Variants in C12orf56 observed in about 807,000 individuals in gnomAD.
C12orf56 encodes the protein uncharacterized protein C12orf56.
Under a neutral mutation model 69.9 loss-of-function variants are expected in C12orf56, and 71 were observed. The observed-to-expected ratio is 1.02, with a 90% CI of 0.84 to 1.24. The LOEUF (loss-of-function observed/expected upper bound fraction) is 1.24. Ranked by LOEUF, C12orf56 falls within the 50% of genes most tolerant of loss-of-function variation. The pLI, the probability that C12orf56 is intolerant of heterozygous loss-of-function variation, is 0.00. For synonymous variants in C12orf56, 276 were observed against 274.1 expected (o/e 1.01, Z -0.07); for missense variants, 732 against 738.5 (o/e 0.99, Z 0.10).
At chr12:64,367,086 A>G (rs1180207736) in intron 1 of C12orf56, among the ~76,000 whole-genome samples, 2 of 29,998 alleles carry the variant, frequency 6.7e-5, no homozygotes, top group African/African-American at 1.8e-4. Context: ...TATATTATAT[A>G]TAACATACAC....
intron 2 of C12orf56, among the ~76,000 whole-genome samples, chr12:64,343,339 A>G (rs1331444733): frequency 1.3e-5 from 2 of 152,196 alleles, no homozygotes; most frequent in Non-Finnish European, 1.5e-5. Flanking sequence ...AATGTCATCA[A>G]TGTAATGGAC....
chr12:64,356,199 A>AAAC (rs2039314974), intron 1 of C12orf56, among the ~76,000 whole-genome samples: 2 of 146,802 alleles, frequency 1.4e-5, no homozygotes, highest in Non-Finnish European at 3.0e-5. Context: ...AAAAAAAAAA[A>AAAC]CCATACATTT....
intron 9 of C12orf56, among the ~76,000 whole-genome samples, chr12:64,276,198 A>T (rs2038049168): frequency 6.6e-6 from 1 of 152,160 alleles, no homozygotes; most frequent in Non-Finnish European, 1.5e-5. Flanking sequence ...ATCAGACACC[A>T]TGCTAGGTGT....
chr12:64,352,066 A>G (rs970883530), intron 2 of C12orf56, among the ~76,000 whole-genome samples: 5 of 151,452 alleles, frequency 3.3e-5, no homozygotes, highest in African/African-American at 1.2e-4. Context: ...ACATGCCAGC[A>G]AAAGAGTAAA....
intron 2 of C12orf56, among the ~76,000 whole-genome samples, chr12:64,339,857 G>T (rs567035837): frequency 6.6e-6 from 1 of 152,200 alleles, no homozygotes; most frequent in South Asian, 2.1e-4. Context: ...CACAATGTCT[G>T]TATTAGTCAG....
intron 6 of C12orf56, among the ~76,000 whole-genome samples, chr12:64,287,396 G>A (rs1456020546): frequency 2.7e-5 from 4 of 145,882 alleles, no homozygotes; most frequent in Non-Finnish European, 4.5e-5. Context: ...TGTGCACATT[G>A]TGCAGGTTAG....
intron 4 of C12orf56, among the ~76,000 whole-genome samples, chr12:64,314,704 G>A (rs2038667252): frequency 6.6e-6 from 1 of 151,242 alleles, no homozygotes; most frequent in African/African-American, 2.4e-5. Flanking sequence ...GCGCCATCTC[G>A]GCTCACGGCA....
At chr12:64,360,180 C>A (rs2039380561) in intron 1 of C12orf56, among the ~76,000 whole-genome samples, 1 of 151,460 alleles carries the variant, frequency 6.6e-6, no homozygotes, top group South Asian at 2.1e-4. Context: ...AATCCCAGCA[C>A]TTTGGGAGGC....
chr12:64,366,860 T>C (rs1207549201), intron 1 of C12orf56, among the ~76,000 whole-genome samples: 1 of 120,432 alleles, frequency 8.3e-6, no homozygotes, highest in Admixed American at 1.0e-4. Context: ...TTATATATAT[T>C]ATATAACATA....
chr12:64,310,287 A>G (rs999278885), intron 5 of C12orf56, among the ~76,000 whole-genome samples: 25 of 152,170 alleles, frequency 1.6e-4, no homozygotes, highest in Non-Finnish European at 3.1e-4. Context: ...GATTACAGGC[A>G]TGAGCCACCA....
rs1040180017 is a variant in C12orf56, at chr12:64,319,252, T to C, written c.489-272A>G. Among the ~76,000 whole-genome samples, 10 of 152,210 alleles carry C rather than the reference T, an allele frequency of 6.6e-5. No homozygotes were observed. In the East Asian group the frequency reaches 1.9e-3, roughly 29 times the overall value. The stretch of plus-strand genomic sequence containing the variant: ...AATGAAGCACTGTATATATTGAAAG[T>C]ATTGTGCCTGTCCTTCATGGAGCCC... On this transcript the variant is annotated intron_variant, in intron 3 of 12. Transcript: ENST00000543942.
At chr12:64,353,169 A>G in intron 1 of C12orf56, 113 bp from the exon 2 acceptor site, 1 of 1,029,752 alleles carries the variant, frequency 9.7e-7, no homozygotes, top group Non-Finnish European at 1.4e-6. Context: ...ATATATATAT[A>G]TTTTTCAAAA....
At chr12:64,353,880 C>T (rs1271291052) in intron 1 of C12orf56, among the ~76,000 whole-genome samples, 2 of 152,090 alleles carry the variant, frequency 1.3e-5, no homozygotes, top group East Asian at 1.9e-4. Context: ...GGGGTTTCAC[C>T]ATGTGGGACA....
intron 6 of C12orf56, among the ~76,000 whole-genome samples, chr12:64,298,995 T>C (rs2038407348): frequency 6.6e-6 from 1 of 152,228 alleles, no homozygotes; most frequent in Non-Finnish European, 1.5e-5. Flanking sequence ...TTTCACGATA[T>C]TGATTCTTCC....
chr12:64,337,601 A>G (rs1454434180), intron 2 of C12orf56, among the ~76,000 whole-genome samples: 1 of 152,198 alleles, frequency 6.6e-6, no homozygotes, highest in African/African-American at 2.4e-5. Flanking sequence ...TCATGCCTGT[A>G]ATCCCAGCAC....
chr12:64,376,983 T>C (rs1352441573), intron 1 of C12orf56, among the ~76,000 whole-genome samples: 1 of 152,106 alleles, frequency 6.6e-6, no homozygotes, highest in Non-Finnish European at 1.5e-5. Flanking sequence ...ACCACCAACA[T>C]TGTAAAAGGG....
intron 7 of C12orf56, among the ~76,000 whole-genome samples, chr12:64,285,535 C>T (rs2038187449): frequency 6.6e-6 from 1 of 152,134 alleles, no homozygotes. Context: ...TGTCTGTAAT[C>T]CCAGCACTTT....
chr12:64,311,544 T>G (rs1018674082), intron 5 of C12orf56, among the ~76,000 whole-genome samples: 21 of 151,890 alleles, frequency 1.4e-4, no homozygotes, highest in African/African-American at 4.8e-5. Context: ...TGAGACTTGA[T>G]GAGTTGAAGT....
intron 5 of C12orf56, among the ~76,000 whole-genome samples, chr12:64,306,420 T>TG (rs1491431441): frequency 1.5e-5 from 2 of 132,032 alleles, no homozygotes; most frequent in Non-Finnish European, 3.3e-5. Flanking sequence ...GAAGGTTTTG[T>TG]TTTTTTTTTT....
Sources: allele counts gnomAD v4.1 joint callset (sites outside exome capture counted in the v4.1 genomes callset), GRCh38; gene constraint gnomAD v4.1.1; transcripts MANE v1.5; gene names NCBI Gene and HGNC (gene_info 2026-07-23, HGNC 2026-07-21).